Variants in ZRANB2 observed in about 807,000 individuals in gnomAD.
ZRANB2 encodes zinc finger RANBP2-type containing 2.
ZRANB2 carries 19 observed loss-of-function variants against 53.4 expected under a neutral mutation model. That is an observed-to-expected ratio of 0.36 (90% confidence interval 0.25 to 0.52). The LOEUF (loss-of-function observed/expected upper bound fraction) is 0.52. ZRANB2 is among the 20% of genes least tolerant of loss of function. ZRANB2 has a pLI of 0.93. For synonymous variants in ZRANB2, 145 were observed against 134.8 expected (o/e 1.08, Z -0.52); for missense variants, 309 against 401.1 (o/e 0.77, Z 1.96).
Position 71,080,805 on chromosome 1 carries a change from G to C in ZRANB2, c.56+135C>G. 1.0e-5 allele frequency: 10 copies of C among 998,762 alleles called. No individual in the cohort carries two copies. In the South Asian group the frequency reaches 1.4e-4, roughly 14 times the overall value. 61.9% of individuals were successfully genotyped at this position (998,762 alleles called of 1,614,324 possible). On this transcript the variant is annotated intron_variant, in intron 1 of 9. Coordinates refer to ENST00000370920, the MANE Select transcript of ZRANB2 (RefSeq NM_203350.3). ...TGAGGAGATTGGGAGCCTTCTTCCC[G>C]CCAGGGAACTGGCGGTTCGCCGCCT...
At chr1:71,074,988 T>C (rs1661675372) in intron 4 of ZRANB2, among the ~76,000 whole-genome samples, 2 of 152,080 alleles carry the variant, frequency 1.3e-5, no homozygotes, top group African/African-American at 2.4e-5. Context: ...AAAATGACAA[T>C]AAGAAAAGTG....
rs539498054 is a variant in ZRANB2 at position 71,066,710 on chromosome 1, G to A, written c.929+66C>T. ...TAATAAAAATCTAACCCTTGACTAG[G>A]AAAGTTTACTTTATCTATTAAACAC... is the stretch of plus-strand genomic sequence containing the variant. On this transcript the variant is annotated intron_variant, in intron 9 of 9. Transcript: ENST00000370920. 5 of 1,514,772 alleles carry A rather than the reference G, an allele frequency of 3.3e-6. No homozygotes were observed. In the African/African-American group the frequency reaches 5.7e-5, roughly 17 times the overall value. 93.8% of individuals were successfully genotyped at this position (1,514,772 alleles called of 1,614,324 possible). A position where few individuals can be genotyped will look rare whatever the true frequency, so the allele number is the denominator to read the frequency against.
At chr1:71,080,748 T>C (rs1005481530) in intron 1 of ZRANB2, among the ~76,000 whole-genome samples, 192 bp downstream of exon 1, 1 of 152,142 alleles carries the variant, frequency 6.6e-6, no homozygotes, top group South Asian at 2.1e-4. Flanking sequence ...AAGACATATC[T>C]AGAACAAAGG....
chr1:71,064,945 T>C lies in ZRANB2; in HGVS notation c.*129A>G. The C allele has an allele frequency of 1.8e-6, 1 of 560,114 alleles. No homozygotes were observed. The allele number at this position is 560,114 out of a possible 1,614,324, so 34.7% of individuals were successfully genotyped here. On this transcript the variant is annotated 3_prime_UTR_variant, in exon 10 of 10. Coordinates refer to ENST00000370920, the MANE Select transcript of ZRANB2 (RefSeq NM_203350.3). ...ACAAATAAACACAGCTGTATTGTTT[T>C]GAAAAGCAATGAAAGGCATGCACCT...
At chr1:71,070,745 G>A (rs755176298) in intron 7 of ZRANB2, 82 bp downstream of exon 7, 106 of 858,652 alleles carry the variant, frequency 1.2e-4, no homozygotes, top group South Asian at 5.3e-4. Flanking sequence ...AGTTTATTTC[G>A]TCAAGAAAAA....
In ZRANB2 at chr1:71,064,796, T is replaced by G. The variant is rs1661384150; in HGVS notation, c.*278A>C. 1 of 247,636 alleles carries G rather than the reference T, an allele frequency of 4.0e-6. No homozygotes were observed. Among genetic ancestry groups the G allele is most frequent in the Non-Finnish European group, 7.7e-6 (1 of 129,130 alleles). 15.3% of individuals were successfully genotyped at this position (247,636 alleles called of 1,614,324 possible). A position where few individuals can be genotyped will look rare whatever the true frequency, so the allele number is the denominator to read the frequency against. ...GGAAATGACAAAAATGGGTTTAAAT[T>G]AGGAAGCAAAGTACTTTGTTATAGC... is the stretch of plus-strand genomic sequence containing the variant. On this transcript the variant is annotated 3_prime_UTR_variant, in exon 10 of 10. Transcript: ENST00000370920.
chr1:71,065,979 A>G (rs1199783646), intron 9 of ZRANB2: 3 of 462,462 alleles, frequency 6.5e-6, no homozygotes, highest in Non-Finnish European at 1.1e-5. Flanking sequence ...ATCATTCTGT[A>G]CAAGTAGGAA....
At position 71,063,930 on chromosome 1, in the gene ZRANB2, T is replaced by G. The variant is rs886746588; in HGVS notation, c.*1144A>C. 3 of 152,392 alleles carry G rather than the reference T, an allele frequency of 2.0e-5. No individual in the cohort carries two copies. The highest frequency in any genetic ancestry group is 7.2e-5 in the African/African-American group (3 of 41,446). The allele number at this position is 152,392 out of a possible 1,614,324, so 9.4% of individuals were successfully genotyped here. A position where few individuals can be genotyped will look rare whatever the true frequency, so the allele number is the denominator to read the frequency against. On this transcript the variant is annotated 3_prime_UTR_variant, in exon 10 of 10. Coordinates refer to ENST00000370920, the MANE Select transcript of ZRANB2 (RefSeq NM_203350.3). ...GTTGATTTCCTTTGATATACTTACC[T>G]TGCATTGTCACTGGAAATACTGTTA...
chr1:71,080,872 G>T, intron 1 of ZRANB2, 68 bp downstream of exon 1: 1 of 1,569,356 alleles, frequency 6.4e-7, no homozygotes, highest in Non-Finnish European at 8.8e-7. Flanking sequence ...AAAGGAAAAT[G>T]CCGGACGGAC....
In ZRANB2 at chr1:71,076,964, C is replaced by G. The variant is rs535188573; in HGVS notation, c.219-87G>C. 6 of 1,014,566 alleles carry G rather than the reference C, an allele frequency of 5.9e-6. No individual in the cohort carries two copies. The Admixed American group carries it at 1.2e-4, about 21-fold the overall frequency. The allele number at this position is 1,014,566 out of a possible 1,614,324, so 62.8% of individuals were successfully genotyped here. A position where few individuals can be genotyped will look rare whatever the true frequency, so the allele number is the denominator to read the frequency against. On this transcript the variant is annotated intron_variant, in intron 3 of 9. Coordinates refer to ENST00000370920, the MANE Select transcript of ZRANB2 (RefSeq NM_203350.3). ...ATATTTTACAATTTTAAAATAAAAA[C>G]TAGGATGAAACCACTGTCAAAGAAA...
At chr1:71,071,076 A>G (rs1359577151) in intron 6 of ZRANB2, 80 bp from the exon 7 acceptor site, 1 of 1,247,656 alleles carries the variant, frequency 8.0e-7, no homozygotes, top group East Asian at 2.5e-5. Context: ...AGGTGTACTG[A>G]GCACCTCCAT....
At chr1:71,070,428 A>C (rs1206497067) in intron 7 of ZRANB2, among the ~76,000 whole-genome samples, 1 of 152,176 alleles carries the variant, frequency 6.6e-6, no homozygotes, top group Non-Finnish European at 1.5e-5. Flanking sequence ...TTATGTAATA[A>C]GCAATGATTT....
At chr1:71,068,685 A>G (rs1661519155) in intron 8 of ZRANB2, among the ~76,000 whole-genome samples, 1 of 152,156 alleles carries the variant, frequency 6.6e-6, no homozygotes, top group South Asian at 2.1e-4. Flanking sequence ...TATTGAAACA[A>G]CTGCCGTGCA....
Position 71,063,738 on chromosome 1 carries a change from A to G in ZRANB2, c.*1336T>C, listed in dbSNP as rs1661357239. 2 of 152,534 alleles carry G rather than the reference A, an allele frequency of 1.3e-5. No individual in the cohort carries two copies. Among genetic ancestry groups the G allele is most frequent in the African/African-American group, 4.8e-5 (2 of 41,568 alleles). The allele number at this position is 152,534 out of a possible 1,614,324, so 9.4% of individuals were successfully genotyped here. A position where few individuals can be genotyped will look rare whatever the true frequency, so the allele number is the denominator to read the frequency against. On this transcript the variant is annotated 3_prime_UTR_variant, in exon 10 of 10. Coordinates refer to ENST00000370920, the MANE Select transcript of ZRANB2 (RefSeq NM_203350.3). Reference sequence around the variant, plus strand: ...GATATCTTGCTTTCATTTTTAGATCAGCTGAAGAGAAAAACATTCACTTTA... The same window carrying G: ...GATATCTTGCTTTCATTTTTAGATCGGCTGAAGAGAAAAACATTCACTTTA...
Position 71,066,801 on chromosome 1 carries a change from G to A in ZRANB2, c.904C>T (p.Arg302Ter). 1 of 1,611,976 alleles carries A rather than the reference G, an allele frequency of 6.2e-7. No homozygotes were observed. Among genetic ancestry groups the A allele is most frequent in the Non-Finnish European group, 8.5e-7 (1 of 1,179,304 alleles). Residue 302 changes from arginine (R) to a stop codon, truncating the protein, a stop_gained, in exon 9 of 10, where the codon CGA becomes TGA. Coordinates refer to ENST00000370920, the MANE Select transcript of ZRANB2 (RefSeq NM_203350.3). LOFTEE classifies it high-confidence loss of function. ...SSSSGDRKKRRTRSRSPERRH... is the reference protein window; with the variant it reads ...SSSSGDRKKR ...CTTTCGGGTGACCGTGATCTTGTTC[G>A]TCTTTTTTTGCGATCACCAGATGAA...
At position 71,078,667 on chromosome 1, in the gene ZRANB2, C is replaced by T; in HGVS notation, c.98G>A (p.Arg33Gln). Residue 33 changes from arginine (R) to glutamine (Q), a missense_variant, in exon 2 of 10, where the codon CGA becomes CAA. Physicochemically the swap from Arg to Gln is conservative, Grantham distance 43. Around this residue, in one of 3 missense-constraint regions of ZRANB2, gnomAD observed 74 missense variants for 180.1 expected, o/e 0.41. Coordinates refer to ENST00000370920, the MANE Select transcript of ZRANB2 (RefSeq NM_203350.3). ...VNFARRTSCN[R>Q]CGREKTTEAK... ...CTTTAAATACTTACCCCGACCACAT[C>T]GATTACAGCTGGTTCTTCTAGCAAA... 6.2e-7 allele frequency: 1 copy of T among 1,612,996 alleles called. No individual in the cohort carries two copies. Among genetic ancestry groups the T allele is most frequent in the Non-Finnish European group, 8.5e-7 (1 of 1,179,256 alleles).
intron 1 of ZRANB2, among the ~76,000 whole-genome samples, chr1:71,080,618 G>A (rs1661819490): frequency 7.3e-6 from 1 of 137,356 alleles, no homozygotes; most frequent in African/African-American, 2.6e-5. Flanking sequence ...CCTGACTGGA[G>A]AGGTTTCCTA....
At position 71,069,357 on chromosome 1, in the gene ZRANB2, C is replaced by T. The variant is rs770867735; in HGVS notation, c.689G>A (p.Arg230His). The change falls in exon 8 of 10, where the codon CGT becomes CAT. Residue 230 changes from arginine (R) to histidine (H), a missense_variant. Physicochemically the swap from Arg to His is conservative, Grantham distance 29 (BLOSUM62 0). Transcript: ENST00000370920. ...CTGCGAACTGGAAGAACTTCTTGAA[C>T]GGGACCTGGAACAACATGGAACGAT... ...PSSSRSRSRS[R>H]SRSSSSSQSR... 22 of 1,612,474 alleles carry T rather than the reference C, an allele frequency of 1.4e-5. No individual in the cohort carries two copies. The highest frequency in any genetic ancestry group is 1.6e-4 in the Middle Eastern group (1 of 6,064).
At chr1:71,078,049 G>A (rs958236658) in intron 3 of ZRANB2, among the ~76,000 whole-genome samples, 58 of 152,106 alleles carry the variant, frequency 3.8e-4, no homozygotes, top group African/African-American at 1.3e-3. Flanking sequence ...ATTACTTACG[G>A]CACACAACTT....
Sources: gnomAD v4.1 joint callset for allele counts (sites outside exome capture counted in the v4.1 genomes callset) on GRCh38, gnomAD v4.1.1 for gene constraint, gnomAD v4.1.1 regional missense constraint, MANE v1.5 for transcripts, NCBI Gene and HGNC (gene_info 2026-07-23, HGNC 2026-07-21) for gene names.